R3HDM1: variants seen among roughly 807,000 people sequenced by gnomAD.
The protein encoded by R3HDM1 is R3H domain containing 1, also known as R3H domain-containing protein 1.
Under a neutral mutation model 141.1 loss-of-function variants are expected in R3HDM1, and 46 were observed. The ratio of observed to expected loss-of-function variants is 0.33; its 90% CI spans 0.26 to 0.42. The LOEUF (loss-of-function observed/expected upper bound fraction) is 0.42. R3HDM1 is among the 10% of genes least tolerant of loss of function. R3HDM1 has a pLI of 1.00. For missense variants in R3HDM1, 1,184 were observed against 1,368.3 expected (o/e 0.87, Z 2.12); for synonymous variants, 435 against 472.9 (o/e 0.92, Z 1.04).
At chr2:135,561,409 A>G (rs1321840279) in intron 1 of R3HDM1, 1 of 879,152 alleles carries the variant, frequency 1.1e-6, no homozygotes, top group Non-Finnish European at 1.4e-6. Flanking sequence ...AAAATAGCAA[A>G]TGACATTTTA....
At chr2:135,658,197 C>T (rs753130972) in intron 18 of R3HDM1, among the ~76,000 whole-genome samples, 2 of 152,090 alleles carry the variant, frequency 1.3e-5, no homozygotes, top group Non-Finnish European at 1.5e-5. Flanking sequence ...GACGGAGTCT[C>T]GCTCTGCCGC....
At chr2:135,577,550 GT>G (rs1344840203) in intron 1 of R3HDM1, among the ~76,000 whole-genome samples, 1 of 150,928 alleles carries the variant, frequency 6.6e-6, no homozygotes, top group African/African-American at 2.4e-5. Flanking sequence ...AAAGTTTTAA[GT>G]TCATACAGAG....
chr2:135,651,615 A>G (rs1170508057), intron 17 of R3HDM1, 115 bp from the exon 18 acceptor site: 16 of 1,371,320 alleles, frequency 1.2e-5, no homozygotes, highest in Non-Finnish European at 2.8e-6. Context: ...GTTGATATAT[A>G]TAATTTCCAT....
chr2:135,540,865 T>A (rs1421116442), intron 1 of R3HDM1, among the ~76,000 whole-genome samples: 1 of 152,220 alleles, frequency 6.6e-6, no homozygotes, highest in Non-Finnish European at 1.5e-5. Context: ...AAATAGAAAT[T>A]AATCCTTGAT....
intron 20 of R3HDM1, among the ~76,000 whole-genome samples, chr2:135,676,853 C>T (rs531588149): frequency 5.3e-5 from 8 of 152,160 alleles, no homozygotes; most frequent in Admixed American, 3.9e-4. Flanking sequence ...TTCATCTCAA[C>T]AAGGAGAGAA....
rs144501533 is a variant in R3HDM1 at position 135,636,549 on chromosome 2, C to T, written c.903+366C>T. On this transcript the variant is annotated intron_variant, in intron 11 of 26. Coordinates refer to ENST00000683871, the MANE Select transcript of R3HDM1 (RefSeq NM_001378107.1). ...ACAAAATCATATACTCTAGATGCTA[C>T]TTGTTAGTTGACTTTCTTTGACAAA... 3.7e-3 allele frequency among the ~76,000 whole-genome samples: 567 copies of T among 152,178 alleles called. 2 individuals carry two copies. Among genetic ancestry groups the T allele is most frequent in the Middle Eastern group, 0.014 (4 of 294 alleles).
intron 1 of R3HDM1, among the ~76,000 whole-genome samples, chr2:135,585,517 A>G (rs984983522): frequency 2.0e-5 from 3 of 152,222 alleles, no homozygotes; most frequent in Non-Finnish European, 4.4e-5. Flanking sequence ...AAAATGGGAA[A>G]CAGAGGCACA....
At chr2:135,559,476 T>C (rs976344857) in intron 1 of R3HDM1, among the ~76,000 whole-genome samples, 2 of 152,184 alleles carry the variant, frequency 1.3e-5, no homozygotes, top group Non-Finnish European at 1.5e-5. Flanking sequence ...CCCTGAGATA[T>C]TTTGGGATGG....
intron 3 of R3HDM1, chr2:135,607,301 TA>T: frequency 1.0e-6 from 1 of 985,402 alleles, no homozygotes; most frequent in Non-Finnish European, 1.2e-6. Context: ...AACCTGTTTT[TA>T]AAGGTTTTCT....
At chr2:135,601,442 G>T (rs1042244447) in intron 1 of R3HDM1, among the ~76,000 whole-genome samples, 1 of 152,088 alleles carries the variant, frequency 6.6e-6, no homozygotes, top group Admixed American at 6.5e-5. Flanking sequence ...GGCTGTCTTG[G>T]TATTAGGTCT....
intron 19 of R3HDM1, 88 bp downstream of exon 19, chr2:135,661,481 A>G (rs2066702636): frequency 4.7e-6 from 7 of 1,477,772 alleles, no homozygotes; most frequent in Non-Finnish European, 6.5e-6. Context: ...GTACCTACTC[A>G]GTCTCTCAGG....
At chr2:135,720,495 C>G (rs548640176) in intron 24 of R3HDM1, among the ~76,000 whole-genome samples, 1 of 152,308 alleles carries the variant, frequency 6.6e-6, no homozygotes, top group Admixed American at 6.5e-5. Flanking sequence ...ACCTTATTAT[C>G]CAAGACAAAG....
chr2:135,706,247 G>A (rs2074895236), intron 21 of R3HDM1, among the ~76,000 whole-genome samples: 1 of 151,856 alleles, frequency 6.6e-6, no homozygotes, highest in African/African-American at 2.4e-5. Context: ...ACCTTACGTA[G>A]AGAAGAGGCA....
At chr2:135,576,368 CA>C (rs531555992) in intron 1 of R3HDM1, among the ~76,000 whole-genome samples, 11 of 138,150 alleles carry the variant, frequency 8.0e-5, no homozygotes, top group East Asian at 2.1e-4. Flanking sequence ...GACCCTGTCG[CA>C]AAAAAAAAAT....
intron 1 of R3HDM1, among the ~76,000 whole-genome samples, chr2:135,575,173 T>A (rs1268351035): frequency 3.3e-5 from 5 of 152,158 alleles, no homozygotes; most frequent in Admixed American, 1.3e-4. Context: ...AATGAAGAAA[T>A]TCCAAAATGC....
chr2:135,712,794 G>T (rs1009849179), intron 23 of R3HDM1, among the ~76,000 whole-genome samples: 1 of 151,872 alleles, frequency 6.6e-6, no homozygotes, highest in East Asian at 1.9e-4. Flanking sequence ...GGTGGTGGGC[G>T]CCTGTAGTCC....
At chr2:135,719,530 T>C (rs56784995) in intron 24 of R3HDM1, among the ~76,000 whole-genome samples, 18,240 of 152,132 alleles carry the variant, frequency 0.12, 1,334 homozygotes, top group South Asian at 0.32. Flanking sequence ...GTTTGTATAC[T>C]GAAATATTTA....
chr2:135,599,292 T>C (rs2059434289), intron 1 of R3HDM1, among the ~76,000 whole-genome samples: 1 of 152,190 alleles, frequency 6.6e-6, no homozygotes, highest in East Asian at 1.9e-4. Context: ...AATTTTTTTT[T>C]TGAAGTTGAA....
At chr2:135,660,772 G>T (rs111356110) in intron 18 of R3HDM1, among the ~76,000 whole-genome samples, 8,000 of 151,494 alleles carry the variant, frequency 0.053, 384 homozygotes, top group African/African-American at 0.12. Flanking sequence ...TTTGAACCTG[G>T]GAGGCAGAGG....
Sources: allele counts gnomAD v4.1 joint callset (sites outside exome capture counted in the v4.1 genomes callset), GRCh38; gene constraint gnomAD v4.1.1; transcripts MANE v1.5; gene names NCBI Gene and HGNC (gene_info 2026-07-23, HGNC 2026-07-21).